Variants in DCST2 observed in about 807,000 individuals in gnomAD.
The protein encoded by DCST2 is DC-STAMP domain containing 2, also known as DC-STAMP domain-containing protein 2.
Under a neutral mutation model 81.8 loss-of-function variants are expected in DCST2, and 64 were observed. That is an observed-to-expected ratio of 0.78 (90% CI 0.64 to 0.96). DCST2 has a LOEUF of 0.96. Ranked by LOEUF, DCST2 falls within the 40% of genes least tolerant of loss-of-function variation. The pLI is 0.00. For missense variants in DCST2, 945 were observed against 1,001.4 expected (o/e 0.94, Z 0.76); for synonymous variants, 354 against 402.6 (o/e 0.88, Z 1.44).
At position 155,030,216 on chromosome 1, in the gene DCST2, G is replaced by C. The variant is rs1286806435; in HGVS notation, c.1045C>G (p.Leu349Val). 1 of 1,614,178 alleles carries C rather than the reference G, an allele frequency of 6.2e-7. No individual in the cohort carries two copies. Among genetic ancestry groups the C allele is most frequent in the Admixed American group, 1.7e-5 (1 of 60,028 alleles). ...ATATTGTCATAATGGTCCCAGTTCA[G>C]GTAACAATACCGGTAAAATAGGGCT... The part of the protein sequence containing the change: ...LQALFYRYCY[L>V]NWDHYDNIYI... Residue 349 changes from leucine (L) to valine (V), a missense_variant, in exon 7 of 15, where the codon CTG becomes GTG. Leu to Val is a conservative substitution (Grantham distance 32). Transcript: ENST00000368424.
rs1170212213 is a variant in DCST2 at position 155,023,117 on chromosome 1, CT to C, written c.2104del (p.Ser702ValfsTer?). On this transcript the variant is annotated frameshift_variant and splice_region_variant, in exon 14 of 15. Coordinates refer to ENST00000368424, the MANE Select transcript of DCST2 (RefSeq NM_144622.3). LOFTEE classifies it low-confidence loss of function (END_TRUNC). ...SLSMESTSES[S>X]DLDEEKGPQQ... Reference sequence around the variant, plus strand: ...GTGCCAACTCCTGCTTCCTGCTCACCTGGACTCGGAAGTGGACTCCATTGAG... The same window carrying C: ...GTGCCAACTCCTGCTTCCTGCTCACCGGACTCGGAAGTGGACTCCATTGAG... 2.5e-6 allele frequency: 4 copies of C among 1,611,346 alleles called. No homozygotes were observed. In the African/African-American group the frequency reaches 5.3e-5, roughly 22 times the overall value.
At chr1:155,020,438 C>T (rs1341636427) in intron 14 of DCST2, among the ~76,000 whole-genome samples, 1 of 151,536 alleles carries the variant, frequency 6.6e-6, no homozygotes. Flanking sequence ...GGCACGATCT[C>T]GGCTCACTGC....
intron 10 of DCST2, among the ~76,000 whole-genome samples, chr1:155,025,098 G>C (rs1252522048): frequency 6.9e-6 from 1 of 144,738 alleles, no homozygotes; most frequent in Non-Finnish European, 1.5e-5. Flanking sequence ...GGTGAGCCGA[G>C]ATCGTGTCAT....
chr1:155,022,990 T>C, intron 14 of DCST2, 127 bp downstream of exon 14: 1 of 1,426,334 alleles, frequency 7.0e-7, no homozygotes, highest in Non-Finnish European at 9.4e-7. Flanking sequence ...CCTCAGTTAC[T>C]TCCCCTCCCC....
rs1056027812 is a variant in DCST2 at position 155,032,889 on chromosome 1, T to C, written c.440-121A>G. 29 of 1,090,388 alleles carry C rather than the reference T, an allele frequency of 2.7e-5. 1 individual carries two copies. The South Asian group carries it at 3.5e-4, about 13-fold the overall frequency. The allele number at this position is 1,090,388 out of a possible 1,614,324, so 67.5% of individuals were successfully genotyped here. A position where few individuals can be genotyped will look rare whatever the true frequency, so the allele number is the denominator to read the frequency against. On this transcript the variant is annotated intron_variant, in intron 2 of 14. Coordinates refer to ENST00000368424, the MANE Select transcript of DCST2 (RefSeq NM_144622.3). Reference sequence around the variant, plus strand: ...ATTTCCAGAGGCGGGAAGCCTGGATTCTGGGGCCTGGGAGATCGTTAATCT... The same window carrying C: ...ATTTCCAGAGGCGGGAAGCCTGGATCCTGGGGCCTGGGAGATCGTTAATCT...
Position 155,026,586 on chromosome 1 carries a change from C to T in DCST2, c.1472G>A (p.Arg491His), listed in dbSNP as rs140460207. The change falls in exon 9 of 15, where the codon CGT (arginine) becomes CAT (histidine). Residue 491 changes from arginine (R) to histidine (H), a missense_variant. Arg to His is a conservative substitution (Grantham distance 29). Transcript: ENST00000368424. ...ISILSRRCLL[R>H]PSEPDSTGYI... ...GCCAGTGCTGTCAGGCTCCGAGGGACGAAGGAGACAACGCCGGGACAAAAT... is the reference window on the plus strand; with the variant it reads ...GCCAGTGCTGTCAGGCTCCGAGGGATGAAGGAGACAACGCCGGGACAAAAT... 131 of 1,614,160 alleles carry T rather than the reference C, an allele frequency of 8.1e-5. No individual in the cohort carries two copies. The highest frequency in any genetic ancestry group is 7.8e-4 in the South Asian group (71 of 91,082).
Position 155,030,499 on chromosome 1 carries a change from G to A in DCST2, c.952C>T (p.Arg318Cys), listed in dbSNP as rs189518972. The stretch of plus-strand genomic sequence containing the variant: ...ATCAGAGCCAGGGCCTCTCGGACAC[G>A]GTGCAGCTTCATGCTGACAGCCTCG... ...LHEAVSMKLH[R>C]VREALALMGF... Residue 318 changes from arginine to cysteine, a missense_variant, in exon 6 of 15, where the codon CGT becomes TGT. Physicochemically the swap from Arg to Cys is radical, Grantham distance 180. Transcript: ENST00000368424. The A allele has an allele frequency of 3.1e-6, 5 of 1,614,078 alleles. No homozygotes were observed. The highest frequency in any genetic ancestry group is 2.7e-5 in the African/African-American group (2 of 75,012).
In DCST2 at chr1:155,026,464, C is replaced by A. The variant is rs887454027; in HGVS notation, c.1511-62G>T. The stretch of plus-strand genomic sequence containing the variant: ...GGCACAAGTGCCAGCCCACCCCTGG[C>A]GCCCCCCACATCCTCAGCAGTCTGC... On this transcript the variant is annotated intron_variant, in intron 9 of 14. Transcript: ENST00000368424. 5.0e-6 allele frequency: 8 copies of A among 1,612,242 alleles called. No homozygotes were observed. In the East Asian group the frequency reaches 1.1e-4, roughly 22 times the overall value.
At position 155,026,405 on chromosome 1, in the gene DCST2, G is replaced by A; in HGVS notation, c.1511-3C>T. 6.2e-7 allele frequency: 1 copy of A among 1,613,698 alleles called. No homozygotes were observed. The highest frequency in any genetic ancestry group is 8.5e-7 in the Non-Finnish European group (1 of 1,180,014). On this transcript the variant is annotated splice_polypyrimidine_tract_variant and splice_region_variant and intron_variant, in intron 9 of 14. Transcript: ENST00000368424. ...GAAGCATAGGCCATACATGACGCCT[G>A]GGAGCACAGCAGCCACAGTCAGCCT...
chr1:155,030,389 AC>A (rs761456472), intron 6 of DCST2, 42 bp downstream of exon 6: 1 of 1,603,884 alleles, frequency 6.2e-7, no homozygotes, highest in East Asian at 2.2e-5. Flanking sequence ...CTGGCCCTGC[AC>A]CCCCGGCCCT....
rs764744204 is a variant in DCST2, at chr1:155,030,426, C to CCT, written c.1019+4_1019+5dup. The CCT allele has an allele frequency of 2.5e-5, 41 of 1,612,838 alleles. No homozygotes were observed. The highest frequency in any genetic ancestry group is 3.4e-5 in the Non-Finnish European group (40 of 1,179,568). ...GCATCCCCCACGCTGCCCGGCAGCCCCTCACTGGAGGTAGAGAAGCACAAG... is the reference window on the plus strand; with the variant it reads ...GCATCCCCCACGCTGCCCGGCAGCCCCTCTCACTGGAGGTAGAGAAGCACAAG... On this transcript the variant is annotated splice_donor_region_variant and intron_variant, in intron 6 of 14. Transcript: ENST00000368424.
chr1:155,018,786 C>A, intron 14 of DCST2, 26 bp from the exon 15 acceptor site: 1 of 1,602,290 alleles, frequency 6.2e-7, no homozygotes, highest in Non-Finnish European at 8.5e-7. Flanking sequence ...AGGGGGTGGC[C>A]GGATCACCCA....
At position 155,023,131 on chromosome 1, in the gene DCST2, G is replaced by A. The variant is rs1231857000; in HGVS notation, c.2091C>T (p.Ser697=). Reference sequence around the variant, plus strand: ...TTCCTGCTCACCTGGACTCGGAAGTGGACTCCATTGAGAGGCTCCTGCCGA... The same window carrying A: ...TTCCTGCTCACCTGGACTCGGAAGTAGACTCCATTGAGAGGCTCCTGCCGA... ...EVLGRSLSME[S]TSESSDLDEE... Residue 697 remains serine, a synonymous_variant, in exon 14 of 15, where the codon TCC becomes TCT. Transcript: ENST00000368424. 3 of 1,612,788 alleles carry A rather than the reference G, an allele frequency of 1.9e-6. No individual in the cohort carries two copies. In the South Asian group the frequency reaches 3.3e-5, roughly 18 times the overall value.
intron 3 of DCST2, among the ~76,000 whole-genome samples, chr1:155,032,063 G>T (rs1021981546): frequency 6.6e-6 from 1 of 152,100 alleles, no homozygotes. Flanking sequence ...GAGTGATCTC[G>T]GCTCATTGCA....
Position 155,022,163 on chromosome 1 carries a change from G to A in DCST2, c.2105+954C>T, listed in dbSNP as rs191776105. Among the ~76,000 whole-genome samples, 807 of 152,140 alleles carry A rather than the reference G, an allele frequency of 5.3e-3. 4 individuals carry two copies. The highest frequency in any genetic ancestry group is 0.018 in the African/African-American group (736 of 41,488). The stretch of plus-strand genomic sequence containing the variant: ...ATTACAGGCATGAGCCACCGTGCCC[G>A]GCCCGCTTATGGTCTTAAAAGACAA... On this transcript the variant is annotated intron_variant, in intron 14 of 14. Coordinates refer to ENST00000368424, the MANE Select transcript of DCST2 (RefSeq NM_144622.3).
chr1:155,030,295 C>T, intron 6 of DCST2, 54 bp from the exon 7 acceptor site: 1 of 1,609,410 alleles, frequency 6.2e-7, no homozygotes, highest in Admixed American at 1.7e-5. Flanking sequence ...CAGGCCAGAC[C>T]CCACAGGGCA....
intron 14 of DCST2, among the ~76,000 whole-genome samples, chr1:155,021,198 A>C (rs919172576): frequency 6.6e-6 from 1 of 151,626 alleles, no homozygotes; most frequent in East Asian, 1.9e-4. Context: ...ATGGGGTTTC[A>C]CTATGTTAGC....
In DCST2 at chr1:155,029,248, C is replaced by T. The variant is rs891238309; in HGVS notation, c.1327G>A (p.Glu443Lys). The change falls in exon 8 of 15, where the codon GAG becomes AAG. Residue 443 changes from glutamate to lysine, a missense_variant. Physicochemically the swap from Glu to Lys is moderately conservative, Grantham distance 56. Coordinates refer to ENST00000368424, the MANE Select transcript of DCST2 (RefSeq NM_144622.3). ...LDLARHQLQG[E>K]IVARSPVLVS... ...AGGCACTCACTGCGGGCCACAATCT[C>T]CCCCTGCAGCTGGTGCCGGGCCAGG... The T allele has an allele frequency of 6.2e-7, 1 of 1,613,586 alleles. No homozygotes were observed.
rs376003986 is a variant in DCST2 at position 155,032,684 on chromosome 1, T to C, written c.524A>G (p.Asp175Gly). The stretch of plus-strand genomic sequence containing the variant: ...GTGCTTACCTATGTGTTTCACACCA[T>C]CCATGATTGACCGAAAGAACTTGCG... ...RVRKFFRSIMDGVKHIARALR... is the reference protein window; with the variant it reads ...RVRKFFRSIMGGVKHIARALR... The change falls in exon 3 of 15, where the codon GAT becomes GGT. Residue 175 changes from aspartate to glycine, a missense_variant. Transcript: ENST00000368424. The C allele has an allele frequency of 2.7e-5, 44 of 1,613,840 alleles. No homozygotes were observed. In the Middle Eastern group the frequency reaches 9.9e-4, roughly 36 times the overall value.
Sources: gnomAD v4.1 joint callset for allele counts (sites outside exome capture counted in the v4.1 genomes callset) on GRCh38, gnomAD v4.1.1 for gene constraint, MANE v1.5 for transcripts, NCBI Gene and HGNC (gene_info 2026-07-23, HGNC 2026-07-21) for gene names.